The following TMEM74 variants were observed in gnomAD, a reference collection of about 807,000 sequenced individuals.
TMEM74 encodes the protein transmembrane protein 74.
In TMEM74, 13 loss-of-function variants were observed where a neutral mutation model predicts 18.1. The ratio of observed to expected loss-of-function variants is 0.72; its 90% CI spans 0.47 to 1.14. The LOEUF is 1.14. Among genes scored for constraint, TMEM74 ranks in the 50% most tolerant of loss-of-function variants. The pLI is 0.00. For missense variants in TMEM74, 372 were observed against 375.9 expected, an observed-to-expected ratio of 0.99 and a Z score of 0.09; for synonymous variants, 159 against 146.6, an observed-to-expected ratio of 1.08 and a Z score of -0.61.
chr8:108,733,016 G>A (rs1813711052), intron 1 of TMEM74, among the ~76,000 whole-genome samples: 1 of 152,118 alleles, frequency 6.6e-6, no homozygotes, highest in Non-Finnish European at 1.5e-5. Flanking sequence ...GCATTTTAGA[G>A]AATGTGGAGC....
chr8:108,712,399 G>A (rs1813483351), intron 1 of TMEM74, among the ~76,000 whole-genome samples: 1 of 152,104 alleles, frequency 6.6e-6, no homozygotes, highest in Non-Finnish European at 1.5e-5. Flanking sequence ...GTTGATTCAT[G>A]TATGAATTTA....
chr8:108,638,557 C>G (rs548128046), intron 2 of TMEM74, among the ~76,000 whole-genome samples: 23 of 143,384 alleles, frequency 1.6e-4, no homozygotes, highest in Admixed American at 1.4e-3. Context: ...TCCAAAGTCT[C>G]TAGCATTAAA....
Position 108,784,113 on chromosome 8 carries a change from T to G in TMEM74, c.*68A>C, listed in dbSNP as rs529408315. On this transcript the variant is annotated 3_prime_UTR_variant, in exon 2 of 2. Coordinates refer to ENST00000297459, the MANE Select transcript of TMEM74 (RefSeq NM_153015.3). Reference sequence around the variant, plus strand: ...CAGGCAAATAAATTGCACTGTGAATTTTTATAAATTAACTTTTTTCATATT... The same window carrying G: ...CAGGCAAATAAATTGCACTGTGAATGTTTATAAATTAACTTTTTTCATATT... 2.4e-5 allele frequency: 33 copies of G among 1,376,972 alleles called. No homozygotes were observed. In the East Asian group the frequency reaches 6.9e-4, roughly 29 times the overall value. 85.3% of individuals were successfully genotyped at this position (1,376,972 alleles called of 1,614,324 possible). A position where few individuals can be genotyped will look rare whatever the true frequency, so the allele number is the denominator to read the frequency against.
At chr8:108,645,250 A>T (rs1335526048) in intron 2 of TMEM74, among the ~76,000 whole-genome samples, 1 of 152,120 alleles carries the variant, frequency 6.6e-6, no homozygotes, top group Non-Finnish European at 1.5e-5. Context: ...TTAGTATAGG[A>T]ACAGAAAACC....
intron 2 of TMEM74, among the ~76,000 whole-genome samples, chr8:108,631,133 T>C (rs1235621773): frequency 6.6e-6 from 1 of 151,954 alleles, no homozygotes; most frequent in African/African-American, 2.4e-5. Flanking sequence ...GGGAATAGAT[T>C]TTTTTTTCCA....
At chr8:108,658,905 CT>C (rs915886389) in intron 1 of TMEM74, among the ~76,000 whole-genome samples, 40 of 152,044 alleles carry the variant, frequency 2.6e-4, no homozygotes, top group Non-Finnish European at 1.2e-4. Flanking sequence ...AAATATACCC[CT>C]GATACAAGAA....
rs1425467720 is a variant in TMEM74 at position 108,696,164 on chromosome 8, G to A, written n.120-40727C>T. Among the ~76,000 whole-genome samples the A allele has an allele frequency of 4.6e-5, 7 of 152,262 alleles. No individual in the cohort carries two copies. The East Asian group carries it at 1.4e-3, about 29-fold the overall frequency. On this transcript the variant is annotated intron_variant and non_coding_transcript_variant, in intron 1 of 3. Transcript: ENST00000518838. The stretch of plus-strand genomic sequence containing the variant: ...AGCCAAGGATGTAGATCAATAAACT[G>A]TATACATTATTTGCCTAAGATGAGG...
chr8:108,753,326 C>T (rs1813921105), intron 1 of TMEM74, among the ~76,000 whole-genome samples: 1 of 151,998 alleles, frequency 6.6e-6, no homozygotes, highest in Admixed American at 6.6e-5. Flanking sequence ...TTGATGCCAG[C>T]CTGATATTTC....
chr8:108,704,455 T>C (rs1311819173), intron 1 of TMEM74, among the ~76,000 whole-genome samples: 2 of 152,212 alleles, frequency 1.3e-5, no homozygotes, highest in African/African-American at 4.8e-5. Flanking sequence ...CTTCTAACTT[T>C]TTATCGATTT....
At chr8:108,624,124 T>C (rs1563734693) in intron 2 of TMEM74, among the ~76,000 whole-genome samples, 3 of 152,118 alleles carry the variant, frequency 2.0e-5, no homozygotes, top group Admixed American at 6.6e-5. Flanking sequence ...ATGAATTGTA[T>C]TATTCCAAAA....
chr8:108,743,098 T>G (rs1813817697), intron 1 of TMEM74, among the ~76,000 whole-genome samples: 1 of 152,210 alleles, frequency 6.6e-6, no homozygotes, highest in Admixed American at 6.5e-5. Context: ...ATGAACATAC[T>G]TTAAGCAGAA....
At chr8:108,737,810 A>G (rs946563763) in intron 1 of TMEM74, among the ~76,000 whole-genome samples, 6 of 152,226 alleles carry the variant, frequency 3.9e-5, no homozygotes, top group African/African-American at 1.4e-4. Context: ...ACTCACATCC[A>G]CTTTCTTATT....
intron 1 of TMEM74, among the ~76,000 whole-genome samples, chr8:108,708,455 C>T (rs973126148): frequency 6.6e-6 from 1 of 152,040 alleles, no homozygotes; most frequent in Non-Finnish European, 1.5e-5. Flanking sequence ...TTTGAGGAAT[C>T]ACCACACTGC....
At position 108,784,148 on chromosome 8, in the gene TMEM74, C is replaced by A; in HGVS notation, c.*33G>T. On this transcript the variant is annotated 3_prime_UTR_variant, in exon 2 of 2. Transcript: ENST00000297459. The stretch of plus-strand genomic sequence containing the variant: ...TAACTTTTTTCATATTATAAAATGC[C>A]AAGGCAGACTCTCAAGATATTCACA... The A allele has an allele frequency of 6.7e-7, 1 of 1,488,018 alleles. No homozygotes were observed. The highest frequency in any genetic ancestry group is 1.4e-5 in the South Asian group (1 of 72,490). 92.2% of individuals were successfully genotyped at this position (1,488,018 alleles called of 1,614,324 possible). A position where few individuals can be genotyped will look rare whatever the true frequency, so the allele number is the denominator to read the frequency against.
intron 1 of TMEM74, among the ~76,000 whole-genome samples, chr8:108,734,268 TC>T (rs1193558642): frequency 2.6e-5 from 4 of 152,186 alleles, no homozygotes; most frequent in Non-Finnish European, 5.9e-5. Context: ...ACTCCAGTGG[TC>T]CCCGTGGGTT....
intron 2 of TMEM74, among the ~76,000 whole-genome samples, chr8:108,635,669 C>G (rs1312720895): frequency 6.6e-6 from 1 of 152,046 alleles, no homozygotes; most frequent in Non-Finnish European, 1.5e-5. Flanking sequence ...GTTTAGCTGA[C>G]ATCTATTCAT....
intron 1 of TMEM74, among the ~76,000 whole-genome samples, chr8:108,675,631 A>G (rs1478436068): frequency 1.3e-5 from 2 of 152,250 alleles, no homozygotes; most frequent in Non-Finnish European, 2.9e-5. Flanking sequence ...GCACAAGGGA[A>G]TTAAATAGAA....
chr8:108,756,791 G>C (rs1294067762), intron 1 of TMEM74, among the ~76,000 whole-genome samples: 4 of 95,892 alleles, frequency 4.2e-5, no homozygotes, highest in African/African-American at 1.8e-4. Context: ...AGGAGGGGAG[G>C]GAAGGGGAGG....
At chr8:108,723,303 C>T (rs1813603731) in intron 1 of TMEM74, among the ~76,000 whole-genome samples, 1 of 152,166 alleles carries the variant, frequency 6.6e-6, no homozygotes, top group African/African-American at 2.4e-5. Flanking sequence ...TCTGAGTTAA[C>T]AATAATTTCA....
Sources: gnomAD v4.1 joint callset for allele counts (sites outside exome capture counted in the v4.1 genomes callset) on GRCh38, gnomAD v4.1.1 for gene constraint, MANE v1.5 for transcripts, NCBI Gene and HGNC (gene_info 2026-07-23, HGNC 2026-07-21) for gene names.